The following PPP1R9A variants were observed in gnomAD, a reference collection of about 807,000 sequenced individuals.
PPP1R9A encodes the protein neurabin-1.
A neutral mutation model predicts 141.9 loss-of-function variants in PPP1R9A; 59 were observed. The observed-to-expected ratio is 0.42, with a 90% CI of 0.34 to 0.52. The LOEUF is 0.52. Ranked by LOEUF, PPP1R9A falls within the 20% of genes least tolerant of loss-of-function variation. The probability of loss-of-function intolerance (pLI) is 0.10; values close to 1 mark genes in which losing one functional copy is unlikely to be tolerated. For synonymous variants in PPP1R9A, 500 were observed against 569.7 expected (o/e 0.88, Z 1.74); for missense variants, 1,444 against 1,611.9 (o/e 0.90, Z 1.78).
At chr7:95,059,804 G>A (rs1409320354) in intron 2 of PPP1R9A, among the ~76,000 whole-genome samples, 2 of 152,080 alleles carry the variant, frequency 1.3e-5, no homozygotes, top group African/African-American at 4.8e-5. Flanking sequence ...CATTCCTAAT[G>A]TGTACTGTGT....
At chr7:95,237,292 T>C (rs557245553) in intron 8 of PPP1R9A, among the ~76,000 whole-genome samples, 38 of 150,876 alleles carry the variant, frequency 2.5e-4, no homozygotes, top group Non-Finnish European at 4.3e-4. Context: ...GCCTCCTGGG[T>C]TCAAGTGATT....
intron 8 of PPP1R9A, 105 bp downstream of exon 8, chr7:95,226,221 CT>C: frequency 8.6e-7 from 1 of 1,163,750 alleles, no homozygotes; most frequent in Non-Finnish European, 1.2e-6. Context: ...CAAATCAAAG[CT>C]TTTTAATAAC....
intron 2 of PPP1R9A, among the ~76,000 whole-genome samples, chr7:94,929,800 T>C (rs1035873333): frequency 6.6e-6 from 1 of 152,142 alleles, no homozygotes; most frequent in Non-Finnish European, 1.5e-5. Flanking sequence ...CGGATGAGAC[T>C]GATGAATGTT....
intron 16 of PPP1R9A, among the ~76,000 whole-genome samples, chr7:95,274,771 T>A (rs1374062214): frequency 6.6e-6 from 1 of 152,182 alleles, no homozygotes; most frequent in Non-Finnish European, 1.5e-5. Flanking sequence ...TAAGCTGAGA[T>A]TTGTATAGGG....
intron 12 of PPP1R9A, among the ~76,000 whole-genome samples, chr7:95,265,354 C>A (rs1177663579): frequency 1.3e-5 from 2 of 152,134 alleles, no homozygotes; most frequent in African/African-American, 4.8e-5. Context: ...CTGTGTGGTG[C>A]AAGTTAATAC....
chr7:95,129,776 T>G (rs1192804952), intron 4 of PPP1R9A, among the ~76,000 whole-genome samples: 1 of 152,122 alleles, frequency 6.6e-6, no homozygotes, highest in Non-Finnish European at 1.5e-5. Context: ...GCAAAGGTGA[T>G]TCTTGTTATG....
chr7:95,137,767 C>G (rs1286075842), intron 4 of PPP1R9A, among the ~76,000 whole-genome samples: 1 of 151,974 alleles, frequency 6.6e-6, no homozygotes, highest in African/African-American at 2.4e-5. Context: ...GATAACAGTT[C>G]TGAAAAAGAA....
rs188859229 is a variant in PPP1R9A at position 95,278,956 on chromosome 7, A to G, written c.3296+4788A>G. Reference sequence around the variant, plus strand: ...ACACCCGCCCCTCACATACTTCTTCATGTTATTAGGAGGATTAAGATGGTC... The same window carrying G: ...ACACCCGCCCCTCACATACTTCTTCGTGTTATTAGGAGGATTAAGATGGTC... On this transcript the variant is annotated intron_variant, in intron 16 of 19. Transcript: ENST00000433360. Among the ~76,000 whole-genome samples, 128 of 152,200 alleles carry G rather than the reference A, an allele frequency of 8.4e-4. 2 individuals are homozygous for G. The highest frequency in any genetic ancestry group is 7.6e-3 in the Admixed American group (116 of 15,282).
intron 16 of PPP1R9A, among the ~76,000 whole-genome samples, chr7:95,277,249 T>G (rs1054967725): frequency 6.6e-6 from 1 of 152,200 alleles, no homozygotes; most frequent in Non-Finnish European, 1.5e-5. Context: ...TTTTTTCCTC[T>G]CTATAAAGAG....
intron 12 of PPP1R9A, among the ~76,000 whole-genome samples, chr7:95,260,302 T>C (rs1800231230): frequency 6.6e-6 from 1 of 152,186 alleles, no homozygotes; most frequent in African/African-American, 2.4e-5. Flanking sequence ...ACAGCTCTGC[T>C]TCATTCATAT....
intron 2 of PPP1R9A, among the ~76,000 whole-genome samples, chr7:95,100,896 AGGCTGGAGTGCAGT>A (rs1247095219): frequency 8.5e-6 from 1 of 118,300 alleles, no homozygotes; most frequent in Non-Finnish European, 1.6e-5. Flanking sequence ...TCTGTCGCCC[AGGCTGGAGTGCAGT>A]GGCGGGATCT....
At chr7:95,134,129 A>G (rs529623485) in intron 4 of PPP1R9A, among the ~76,000 whole-genome samples, 28 of 152,310 alleles carry the variant, frequency 1.8e-4, no homozygotes, top group Middle Eastern at 6.8e-3. Context: ...TTGGAATACT[A>G]TGCAGCCATA....
At chr7:94,930,328 G>T (rs1793999486) in intron 2 of PPP1R9A, among the ~76,000 whole-genome samples, 1 of 152,196 alleles carries the variant, frequency 6.6e-6, no homozygotes, top group South Asian at 2.1e-4. Context: ...GAAGCATAAA[G>T]GTTGCTAAAC....
intron 2 of PPP1R9A, 124 bp downstream of exon 2, chr7:94,911,632 T>A: frequency 1.5e-6 from 1 of 688,690 alleles, no homozygotes; most frequent in Non-Finnish European, 2.4e-6. Flanking sequence ...TTGATACCTT[T>A]AAAATCACCT....
At chr7:95,164,606 G>A (rs767418892) in intron 5 of PPP1R9A, among the ~76,000 whole-genome samples, 5 of 151,892 alleles carry the variant, frequency 3.3e-5, no homozygotes, top group South Asian at 2.1e-4. Flanking sequence ...AGTATTAAAT[G>A]GGGCTTAGAT....
In PPP1R9A at chr7:94,919,672, T is replaced by C. The variant is rs944162657; in HGVS notation, c.1395+8164T>C. Among the ~76,000 whole-genome samples the C allele has an allele frequency of 3.3e-5, 5 of 152,310 alleles. No homozygotes were observed. In the East Asian group the frequency reaches 7.7e-4, roughly 23 times the overall value. On this transcript the variant is annotated intron_variant, in intron 2 of 19. Transcript: ENST00000433360. ...TTTCTCATCCTTCAATATTTCGATA[T>C]AGATTTCCTGTGCCTACATGCTATT... is the stretch of plus-strand genomic sequence containing the variant.
At chr7:95,169,768 T>G (rs1831830196) in intron 5 of PPP1R9A, among the ~76,000 whole-genome samples, 1 of 151,938 alleles carries the variant, frequency 6.6e-6, no homozygotes, top group South Asian at 2.1e-4. Flanking sequence ...AAAGATTTGT[T>G]TTTTAGTACT....
intron 2 of PPP1R9A, among the ~76,000 whole-genome samples, chr7:95,009,130 A>C (rs1419679236): frequency 6.6e-6 from 1 of 152,078 alleles, no homozygotes; most frequent in African/African-American, 2.4e-5. Context: ...GAAGGGGAAC[A>C]TCACACACCG....
At chr7:94,917,474 A>G (rs1792228287) in intron 2 of PPP1R9A, among the ~76,000 whole-genome samples, 1 of 152,006 alleles carries the variant, frequency 6.6e-6, no homozygotes, top group African/African-American at 2.4e-5. Context: ...TGATGCAGTC[A>G]TGGCTCACTG....
Sources: allele counts gnomAD v4.1 joint callset (sites outside exome capture counted in the v4.1 genomes callset), GRCh38; gene constraint gnomAD v4.1.1; transcripts MANE v1.5; gene names NCBI Gene and HGNC (gene_info 2026-07-23, HGNC 2026-07-21).